The following MYO1E variants were observed in gnomAD, a reference collection of about 807,000 sequenced individuals.
The protein encoded by MYO1E is unconventional myosin-Ie.
Under a neutral mutation model 151.1 loss-of-function variants are expected in MYO1E, and 68 were observed. That is an observed-to-expected ratio of 0.45 (90% confidence interval 0.37 to 0.55). The LOEUF (loss-of-function observed/expected upper bound fraction) is 0.55. MYO1E is among the 20% of genes least tolerant of loss of function. The pLI, the probability that MYO1E is intolerant of heterozygous loss-of-function variation, is 0.00. For synonymous variants in MYO1E, 601 were observed against 501.7 expected, an observed-to-expected ratio of 1.20 and a Z score of -2.64; for missense variants, 1,363 against 1,389.3, an observed-to-expected ratio of 0.98 and a Z score of 0.30.
intron 1 of MYO1E, among the ~76,000 whole-genome samples, chr15:59,324,573 T>G (rs1178011961): frequency 6.6e-6 from 1 of 151,944 alleles, no homozygotes; most frequent in South Asian, 2.1e-4. Flanking sequence ...TGCTGCCAGA[T>G]AGAGCTCCTC....
chr15:59,359,592 G>C, intron 1 of MYO1E: 1 of 152,860 alleles, frequency 6.5e-6, no homozygotes, highest in Non-Finnish European at 1.5e-5. Context: ...ACCAGCCTGG[G>C]CAACACAGCA....
chr15:59,240,213 G>A (rs759216161), intron 4 of MYO1E, among the ~76,000 whole-genome samples: 3 of 152,210 alleles, frequency 2.0e-5, no homozygotes, highest in Non-Finnish European at 2.9e-5. Context: ...CTTCTGACCT[G>A]CTGGATCCCA....
At chr15:59,173,062 C>A (rs1398856563) in intron 21 of MYO1E, among the ~76,000 whole-genome samples, 1 of 152,212 alleles carries the variant, frequency 6.6e-6, no homozygotes, top group Non-Finnish European at 1.5e-5. Context: ...AGGACCAAGA[C>A]TTTATCAAAA....
At chr15:59,210,214 A>G (rs1176450049) in intron 13 of MYO1E, among the ~76,000 whole-genome samples, 1 of 152,136 alleles carries the variant, frequency 6.6e-6, no homozygotes. Flanking sequence ...ACTAGAACAC[A>G]GGGCCAATTT....
At chr15:59,318,489 A>G (rs2080603584) in intron 1 of MYO1E, among the ~76,000 whole-genome samples, 1 of 152,230 alleles carries the variant, frequency 6.6e-6, no homozygotes, top group South Asian at 2.1e-4. Context: ...AAAGGATGGT[A>G]GACTTGATAA....
chr15:59,312,172 A>G lies in MYO1E; in HGVS notation c.4-39723T>C, dbSNP rs555962581. ...TGCTAAGTTCAAGAACACACATAAG[A>G]GCATCTAAGGGATGATCGTGTTCAC... On this transcript the variant is annotated intron_variant, in intron 1 of 27. Transcript: ENST00000288235. Among the ~76,000 whole-genome samples the G allele has an allele frequency of 2.0e-5, 3 of 152,350 alleles. No individual in the cohort carries two copies. The East Asian group carries it at 5.8e-4, about 29-fold the overall frequency.
At chr15:59,257,061 C>T (rs2080197906) in intron 3 of MYO1E, among the ~76,000 whole-genome samples, 1 of 152,178 alleles carries the variant, frequency 6.6e-6, no homozygotes, top group Non-Finnish European at 1.5e-5. Context: ...CTTAGCTATG[C>T]ACAAATATCA....
At chr15:59,190,881 T>C (rs149057985) in intron 17 of MYO1E, among the ~76,000 whole-genome samples, 1 of 152,178 alleles carries the variant, frequency 6.6e-6, no homozygotes, top group Admixed American at 6.5e-5. Context: ...CACTGTGATG[T>C]GCCTGGGCCT....
intron 26 of MYO1E, among the ~76,000 whole-genome samples, chr15:59,143,899 C>T (rs1430499350): frequency 6.6e-6 from 1 of 152,212 alleles, no homozygotes; most frequent in Non-Finnish European, 1.5e-5. Flanking sequence ...CTTCCTCATA[C>T]TCTGGCAAAC....
At chr15:59,351,617 G>C (rs2080823704) in intron 1 of MYO1E, among the ~76,000 whole-genome samples, 1 of 152,126 alleles carries the variant, frequency 6.6e-6, no homozygotes, top group African/African-American at 2.4e-5. Flanking sequence ...AATTACCGGG[G>C]GATAAGAGTG....
intron 1 of MYO1E, among the ~76,000 whole-genome samples, chr15:59,285,350 CTTTTTTTTTTTTT>C (rs368001329): frequency 1.4e-5 from 1 of 74,054 alleles, no homozygotes; most frequent in African/African-American, 5.3e-5. Context: ...GACACTGTCT[CTTTTTTTTTTTTT>C]TTTTTTTTTT....
intron 9 of MYO1E, among the ~76,000 whole-genome samples, chr15:59,221,408 T>A (rs938734393): frequency 1.3e-5 from 2 of 152,148 alleles, no homozygotes; most frequent in African/African-American, 4.8e-5. Flanking sequence ...TGTGTAGTTG[T>A]TTTGGAACAC....
rs139110246 is a variant in MYO1E at position 59,309,817 on chromosome 15, T to C, written c.4-37368A>G. Among the ~76,000 whole-genome samples the C allele has an allele frequency of 4.3e-3, 650 of 152,318 alleles. 4 individuals are homozygous for C. Among genetic ancestry groups the C allele is most frequent in the African/African-American group, 0.014 (590 of 41,558 alleles). On this transcript the variant is annotated intron_variant, in intron 1 of 27. Transcript: ENST00000288235. ...GCACATAAAGCATAACTTAAGTGGG[T>C]AGAGACAAAGAGAAGCTTGTCTGGA... is the stretch of plus-strand genomic sequence containing the variant.
intron 23 of MYO1E, 52 bp from the exon 24 acceptor site, chr15:59,161,282 G>C: frequency 6.3e-7 from 1 of 1,589,606 alleles, no homozygotes; most frequent in Non-Finnish European, 8.6e-7. Context: ...TGAGAAAACG[G>C]TGCTCAGAGA....
chr15:59,229,796 T>G (rs1015916405), intron 6 of MYO1E, among the ~76,000 whole-genome samples: 4 of 152,200 alleles, frequency 2.6e-5, no homozygotes. Context: ...CTTCATTCTC[T>G]TGCTAAATAA....
chr15:59,272,819 G>T (rs1386071656), intron 1 of MYO1E, among the ~76,000 whole-genome samples: 2 of 152,212 alleles, frequency 1.3e-5, no homozygotes, highest in South Asian at 2.1e-4. Flanking sequence ...GACAGTCTCG[G>T]ATGAGACTAT....
At chr15:59,340,209 G>A (rs1274308707) in intron 1 of MYO1E, among the ~76,000 whole-genome samples, 1 of 151,892 alleles carries the variant, frequency 6.6e-6, no homozygotes, top group Non-Finnish European at 1.5e-5. Flanking sequence ...ACCTATAATC[G>A]AGAAGCATGA....
At chr15:59,365,205 G>C (rs754379379) in intron 1 of MYO1E, among the ~76,000 whole-genome samples, 82 of 151,862 alleles carry the variant, frequency 5.4e-4, no homozygotes, top group Non-Finnish European at 5.3e-4. Context: ...TTTTAGTAGA[G>C]ACAGGGTTTC....
At chr15:59,312,350 C>T (rs763202414) in intron 1 of MYO1E, among the ~76,000 whole-genome samples, 16 of 152,124 alleles carry the variant, frequency 1.1e-4, no homozygotes, top group Admixed American at 7.2e-4. Context: ...AGGAAAGGTT[C>T]CGTGGAGGAA....
Sources: gnomAD v4.1 joint callset for allele counts (sites outside exome capture counted in the v4.1 genomes callset) on GRCh38, gnomAD v4.1.1 for gene constraint, MANE v1.5 for transcripts, NCBI Gene and HGNC (gene_info 2026-07-23, HGNC 2026-07-21) for gene names.